Variants in LARGE1 observed in about 807,000 individuals in gnomAD.
The protein encoded by LARGE1 is LARGE xylosyl- and glucuronyltransferase 1, also known as xylosyl- and glucuronyltransferase LARGE1.
In LARGE1, 43 loss-of-function variants were observed where a neutral mutation model predicts 87.6. The observed-to-expected ratio is 0.49, with a 90% confidence interval of 0.38 to 0.63. The LOEUF (loss-of-function observed/expected upper bound fraction) is 0.63, where lower values mean the gene tolerates loss of function less well. LARGE1 is among the 30% of genes least tolerant of loss of function. LARGE1 has a pLI of 0.00. For synonymous variants in LARGE1, 434 were observed against 394.6 expected (o/e 1.10, Z -1.18); for missense variants, 802 against 1,000.2 (o/e 0.80, Z 2.67).
At chr22:33,502,717 T>C (rs1044548889) in intron 6 of LARGE1, among the ~76,000 whole-genome samples, 29 of 152,036 alleles carry the variant, frequency 1.9e-4, no homozygotes, top group African/African-American at 4.8e-5. Flanking sequence ...TACAGGCGCC[T>C]GCCACCACGC....
In LARGE1 at chr22:33,905,637, G is replaced by A. The variant is rs1036415638; in HGVS notation, c.-83+14358C>T. 3.9e-5 allele frequency among the ~76,000 whole-genome samples: 6 copies of A among 152,214 alleles called. No homozygotes were observed. The South Asian group carries it at 1.2e-3, about 32-fold the overall frequency. On this transcript the variant is annotated intron_variant, in intron 1 of 14. Transcript: ENST00000397394. ...TCTCACATGAGAAAGGGGCTTAAAT[G>A]CCCTGTTTCTGGCACCAAGTTTCAA...
intron 11 of LARGE1, among the ~76,000 whole-genome samples, chr22:33,263,619 GAC>G (rs1927765634): frequency 6.6e-6 from 1 of 152,230 alleles, no homozygotes; most frequent in Non-Finnish European, 1.5e-5. Context: ...CAGCATGGCT[GAC>G]ACCTGCATTC....
chr22:33,247,390 G>A (rs1926814832), intron 11 of LARGE1, among the ~76,000 whole-genome samples: 1 of 152,102 alleles, frequency 6.6e-6, no homozygotes, highest in Non-Finnish European at 1.5e-5. Flanking sequence ...ACCAAGCCGT[G>A]AATAAATTTG....
At chr22:33,864,821 CCACAGTCCCTGGGTTT>C (rs1484537119) in intron 1 of LARGE1, among the ~76,000 whole-genome samples, 1 of 152,182 alleles carries the variant, frequency 6.6e-6, no homozygotes, top group Admixed American at 6.5e-5. Context: ...CACTTTTAGC[CCACAGTCCCTGGGTTT>C]CACAATCACT....
chr22:33,690,481 T>G (rs1298416970), intron 2 of LARGE1, among the ~76,000 whole-genome samples: 2 of 152,070 alleles, frequency 1.3e-5, no homozygotes, highest in African/African-American at 4.8e-5. Flanking sequence ...GGAAGAAGCC[T>G]GACCTGAGTT....
At chr22:33,758,998 G>A (rs550676481) in intron 2 of LARGE1, among the ~76,000 whole-genome samples, 63 of 152,338 alleles carry the variant, frequency 4.1e-4, no homozygotes, top group South Asian at 8.3e-4. Context: ...CAATATTAGT[G>A]AATTAGCAAA....
chr22:33,735,261 C>T (rs1159770246), intron 2 of LARGE1, among the ~76,000 whole-genome samples: 1 of 152,160 alleles, frequency 6.6e-6, no homozygotes, highest in Non-Finnish European at 1.5e-5. Context: ...CCTAGGGACT[C>T]GAAGCCTTTT....
chr22:33,725,240 T>C (rs967535335), intron 2 of LARGE1: 3 of 152,598 alleles, frequency 2.0e-5, no homozygotes, highest in Non-Finnish European at 2.9e-5. Flanking sequence ...GTGACACCCT[T>C]CTGCTACTGC....
intron 14 of LARGE1, among the ~76,000 whole-genome samples, chr22:33,276,662 G>A (rs988321645): frequency 3.9e-5 from 6 of 152,208 alleles, no homozygotes; most frequent in Non-Finnish European, 7.3e-5. Context: ...TTTAGTAAAG[G>A]GTGGAATAAC....
chr22:33,222,493 T>G (rs1321571777), intron 11 of LARGE1, among the ~76,000 whole-genome samples: 7 of 152,238 alleles, frequency 4.6e-5, no homozygotes, highest in Middle Eastern at 6.3e-3. Flanking sequence ...AGAAAAGGTC[T>G]TTGCAATGTA....
At chr22:33,806,000 T>C (rs377283497) in intron 1 of LARGE1, among the ~76,000 whole-genome samples, 34 of 152,320 alleles carry the variant, frequency 2.2e-4, no homozygotes, top group African/African-American at 7.9e-4. Context: ...ATTTAGTGCA[T>C]TCACAATGCT....
intron 6 of LARGE1, among the ~76,000 whole-genome samples, chr22:33,503,713 T>G (rs894716113): frequency 2.0e-5 from 3 of 151,188 alleles, no homozygotes; most frequent in African/African-American, 7.3e-5. Flanking sequence ...GCAGGAAAAT[T>G]GCTTGAACCC....
chr22:33,508,373 C>T (rs1396816470), intron 6 of LARGE1, among the ~76,000 whole-genome samples: 4 of 152,212 alleles, frequency 2.6e-5, no homozygotes, highest in Non-Finnish European at 4.4e-5. Flanking sequence ...TCTTCCAATG[C>T]ACACTATACT....
At chr22:33,538,796 G>C (rs1384853530) in intron 6 of LARGE1, among the ~76,000 whole-genome samples, 1 of 152,188 alleles carries the variant, frequency 6.6e-6, no homozygotes, top group East Asian at 1.9e-4. Flanking sequence ...TCCAGCAAAT[G>C]GGTTCTAGAA....
downstream of LARGE1, among the ~76,000 whole-genome samples, chr22:33,268,307 A>AT (rs529457934): frequency 1.3e-5 from 2 of 151,378 alleles, no homozygotes; most frequent in East Asian, 3.9e-4. Context: ...TTCTCCTTGC[A>AT]TATCTGAGAA....
intron 1 of LARGE1, among the ~76,000 whole-genome samples, chr22:33,846,750 T>A (rs1021591619): frequency 5.3e-5 from 8 of 152,034 alleles, no homozygotes; most frequent in African/African-American, 1.7e-4. Flanking sequence ...GCTGTAGGGG[T>A]GAAATAGACT....
chr22:33,172,966 C>A (rs758770099), intron 11 of LARGE1, among the ~76,000 whole-genome samples: 4 of 152,136 alleles, frequency 2.6e-5, no homozygotes, highest in African/African-American at 4.8e-5. Flanking sequence ...TTTCCCCAAC[C>A]TAGCAATACA....
chr22:33,685,460 C>T (rs1410800023), intron 2 of LARGE1, among the ~76,000 whole-genome samples: 1 of 152,128 alleles, frequency 6.6e-6, no homozygotes, highest in East Asian at 1.9e-4. Context: ...ATAATTAAGG[C>T]AAAGTCCTAC....
At chr22:33,654,160 A>G (rs1451355335) in intron 2 of LARGE1, among the ~76,000 whole-genome samples, 3 of 152,208 alleles carry the variant, frequency 2.0e-5, no homozygotes, top group Non-Finnish European at 2.9e-5. Flanking sequence ...TAGATTTGTC[A>G]CCAATGAAGC....
Sources: gnomAD v4.1 joint callset for allele counts (sites outside exome capture counted in the v4.1 genomes callset) on GRCh38, gnomAD v4.1.1 for gene constraint, MANE v1.5 for transcripts, NCBI Gene and HGNC (gene_info 2026-07-23, HGNC 2026-07-21) for gene names.